LRRC4C: variants seen among roughly 807,000 people sequenced by gnomAD.
The protein encoded by LRRC4C is leucine-rich repeat-containing protein 4C.
In LRRC4C, 5 loss-of-function variants were observed where a neutral mutation model predicts 33.6. That is an observed-to-expected ratio of 0.15 (90% confidence interval 0.08 to 0.31). The LOEUF (loss-of-function observed/expected upper bound fraction) is 0.31. Among genes scored for constraint, LRRC4C ranks in the 10% least tolerant of loss-of-function variants. LRRC4C has a pLI of 1.00. For missense variants in LRRC4C, 560 were observed against 796.7 expected (o/e 0.70, Z 3.58); for synonymous variants, 329 against 302.0 (o/e 1.09, Z -0.93).
At chr11:40,169,540 A>T in intron 5 of LRRC4C, among the ~76,000 whole-genome samples, 1 of 152,326 alleles carries the variant, frequency 6.6e-6, no homozygotes, top group South Asian at 2.1e-4. Flanking sequence ...AGGTATATAA[A>T]TATGAGTATA....
At chr11:40,964,408 TG>T (rs1328627697) in intron 1 of LRRC4C, among the ~76,000 whole-genome samples, 1 of 151,868 alleles carries the variant, frequency 6.6e-6, no homozygotes, top group African/African-American at 2.4e-5. Flanking sequence ...TTAGGCTACA[TG>T]TGCACAACGT....
At chr11:40,870,118 T>C (rs1350797610) in intron 2 of LRRC4C, among the ~76,000 whole-genome samples, 1 of 152,146 alleles carries the variant, frequency 6.6e-6, no homozygotes, top group African/African-American at 2.4e-5. Flanking sequence ...CTATCTCCAA[T>C]GTGCATAACA....
intron 3 of LRRC4C, among the ~76,000 whole-genome samples, chr11:40,352,329 G>T (rs1435194190): frequency 6.6e-6 from 1 of 151,874 alleles, no homozygotes; most frequent in African/African-American, 2.4e-5. Flanking sequence ...TTAAACACAT[G>T]ACAACACAAT....
intron 2 of LRRC4C, among the ~76,000 whole-genome samples, chr11:40,874,363 G>A (rs10837514): frequency 0.079 from 12,011 of 151,900 alleles, 581 homozygotes; most frequent in Admixed American, 0.17. Flanking sequence ...CCATTTTTTA[G>A]CTTAGGCAAG....
intron 1 of LRRC4C, among the ~76,000 whole-genome samples, chr11:41,097,079 G>A (rs1940854846): frequency 6.6e-6 from 1 of 152,142 alleles, no homozygotes; most frequent in Admixed American, 6.6e-5. Flanking sequence ...GATGGGGCAG[G>A]TTCTCATGTA....
rs529434829 is a variant in LRRC4C, at chr11:40,234,781, A to G, written c.-96+6738T>C. On this transcript the variant is annotated intron_variant, in intron 5 of 6. Coordinates refer to ENST00000528697, the MANE Select transcript of LRRC4C (RefSeq NM_001258419.2). ...GAGAAACCCTGTCTTAAAACAAACA[A>G]AAAACCTTACTTGTAGGGGCTACAC... 2.6e-5 allele frequency among the ~76,000 whole-genome samples: 4 copies of G among 152,308 alleles called. No homozygotes were observed. In the South Asian group the frequency reaches 8.3e-4, roughly 32 times the overall value.
intron 3 of LRRC4C, among the ~76,000 whole-genome samples, chr11:40,610,941 A>G (rs1274878004): frequency 6.6e-6 from 1 of 151,926 alleles, no homozygotes; most frequent in Non-Finnish European, 1.5e-5. Flanking sequence ...TTAAATGTCA[A>G]TACTACCCAG....
intron 5 of LRRC4C, among the ~76,000 whole-genome samples, chr11:40,204,725 C>T (rs772793836): frequency 6.6e-6 from 1 of 152,138 alleles, no homozygotes; most frequent in African/African-American, 2.4e-5. Flanking sequence ...CCGAGCTCAC[C>T]CAACTCTTAG....
chr11:40,615,238 T>TTATATATA (rs756021420), intron 3 of LRRC4C, among the ~76,000 whole-genome samples: 1,733 of 87,958 alleles, frequency 0.02, 69 homozygotes, highest in African/African-American at 0.058. Context: ...TTGATTTATT[T>TTATATATA]TATATATATA....
rs1410910177 is a variant in LRRC4C, at chr11:40,987,644, T to TG, written c.-495-53922_-495-53921insC. On this transcript the variant is annotated intron_variant, in intron 1 of 6. Coordinates refer to ENST00000528697, the MANE Select transcript of LRRC4C (RefSeq NM_001258419.2). Reference sequence around the variant, plus strand: ...AAGTGGGTAATGATATATATATATATATATATATCTCATATATATGAGATA... The same window carrying TG: ...AAGTGGGTAATGATATATATATATATGATATATATCTCATATATATGAGATA... Among the ~76,000 whole-genome samples the TG allele has an allele frequency of 4.5e-5, 4 of 88,324 alleles. 1 individual carries two copies. Among genetic ancestry groups the TG allele is most frequent in the South Asian group, 4.6e-4 (1 of 2,162 alleles). 57.9% of individuals were successfully genotyped at this position (88,324 alleles called of 152,430 possible). A position where few individuals can be genotyped will look rare whatever the true frequency, so the allele number is the denominator to read the frequency against.
At chr11:41,190,554 T>G (rs1945896847) in intron 1 of LRRC4C, among the ~76,000 whole-genome samples, 1 of 152,116 alleles carries the variant, frequency 6.6e-6, no homozygotes, top group Non-Finnish European at 1.5e-5. Context: ...TTCACTGCAT[T>G]TATCACGGTC....
At chr11:40,136,158 G>T (rs1428474025) in intron 6 of LRRC4C, among the ~76,000 whole-genome samples, 1 of 151,634 alleles carries the variant, frequency 6.6e-6, no homozygotes, top group Non-Finnish European at 1.5e-5. Flanking sequence ...CTGAAGGGCA[G>T]AACTGAGTGG....
intron 3 of LRRC4C, among the ~76,000 whole-genome samples, chr11:40,416,796 T>A (rs192858780): frequency 6.6e-6 from 1 of 152,200 alleles, no homozygotes; most frequent in Non-Finnish European, 1.5e-5. Context: ...ATGGACCACT[T>A]TTTCTGAACA....
chr11:41,198,267 A>AT (rs534024839), intron 1 of LRRC4C, among the ~76,000 whole-genome samples: 112 of 152,008 alleles, frequency 7.4e-4, no homozygotes, highest in Non-Finnish European at 1.2e-3. Context: ...TCACTCTAAG[A>AT]TTTTTTATGT....
chr11:40,948,795 C>G (rs1410881447), intron 1 of LRRC4C, among the ~76,000 whole-genome samples: 1 of 150,984 alleles, frequency 6.6e-6, no homozygotes, highest in Non-Finnish European at 1.5e-5. Flanking sequence ...GGTTCCAAGT[C>G]TTTGCTATTG....
intron 2 of LRRC4C, among the ~76,000 whole-genome samples, chr11:40,924,611 C>T (rs1268539364): frequency 2.0e-5 from 3 of 151,914 alleles, no homozygotes; most frequent in African/African-American, 7.3e-5. Context: ...AAATAATTTG[C>T]CATGTACCTC....
intron 1 of LRRC4C, among the ~76,000 whole-genome samples, chr11:41,191,696 T>C (rs1294884549): frequency 6.6e-6 from 1 of 152,146 alleles, no homozygotes; most frequent in Non-Finnish European, 1.5e-5. Flanking sequence ...GAATGGGTAG[T>C]AGATAAGATG....
chr11:40,714,372 C>T (rs1168077437), intron 2 of LRRC4C, among the ~76,000 whole-genome samples: 1 of 152,196 alleles, frequency 6.6e-6, no homozygotes, highest in Non-Finnish European at 1.5e-5. Flanking sequence ...CACTTCCGAT[C>T]ACAATATTGC....
chr11:40,333,299 T>C (rs1946442879), intron 3 of LRRC4C, among the ~76,000 whole-genome samples: 1 of 152,202 alleles, frequency 6.6e-6, no homozygotes, highest in African/African-American at 2.4e-5. Flanking sequence ...ATACACATAT[T>C]TGTGAGATGC....
Sources: allele counts gnomAD v4.1 joint callset (sites outside exome capture counted in the v4.1 genomes callset), GRCh38; gene constraint gnomAD v4.1.1; transcripts MANE v1.5; gene names NCBI Gene and HGNC (gene_info 2026-07-23, HGNC 2026-07-21).